Variants in CADM1 observed in about 807,000 individuals in gnomAD.
CADM1 encodes the protein cell adhesion molecule 1.
In CADM1, 15 loss-of-function variants were observed where a neutral mutation model predicts 53.1. The ratio of observed to expected loss-of-function variants is 0.28; its 90% CI spans 0.19 to 0.44. The LOEUF is 0.44. CADM1 is among the 20% of genes least tolerant of loss of function. The pLI, the probability that CADM1 is intolerant of heterozygous loss-of-function variation, is 1.00. For synonymous variants in CADM1, 281 were observed against 243.0 expected (o/e 1.16, Z -1.45); for missense variants, 434 against 611.3 (o/e 0.71, Z 3.06).
At chr11:115,379,142 A>C (rs926398698) in intron 1 of CADM1, among the ~76,000 whole-genome samples, 1 of 152,248 alleles carries the variant, frequency 6.6e-6, no homozygotes. Flanking sequence ...TAATTAAATT[A>C]AAGAATGGCT....
chr11:115,284,895 C>T (rs1943690584), intron 1 of CADM1, among the ~76,000 whole-genome samples: 1 of 152,164 alleles, frequency 6.6e-6, no homozygotes, highest in Non-Finnish European at 1.5e-5. Context: ...AATGAACTGA[C>T]CAAAGTCTTT....
chr11:115,290,241 A>G (rs1943851954), intron 1 of CADM1, among the ~76,000 whole-genome samples: 1 of 152,172 alleles, frequency 6.6e-6, no homozygotes, highest in Non-Finnish European at 1.5e-5. Context: ...GTGTTGAGAC[A>G]CTTCTGAGGG....
At chr11:115,357,319 A>T (rs184490560) in intron 1 of CADM1, among the ~76,000 whole-genome samples, 3 of 152,356 alleles carry the variant, frequency 2.0e-5, no homozygotes, top group African/African-American at 7.2e-5. Flanking sequence ...AAACAGAAGG[A>T]AAAAGATTTT....
chr11:115,232,738 T>C (rs186179448), intron 3 of CADM1, among the ~76,000 whole-genome samples: 1 of 152,276 alleles, frequency 6.6e-6, no homozygotes, highest in East Asian at 1.9e-4. Flanking sequence ...CAACCTTACC[T>C]CAGGACTGAG....
chr11:115,355,935 T>G (rs1945859510), intron 1 of CADM1, among the ~76,000 whole-genome samples: 1 of 152,130 alleles, frequency 6.6e-6, no homozygotes, highest in East Asian at 1.9e-4. Flanking sequence ...TGGGTTCAAG[T>G]GATTCTCCTG....
chr11:115,385,607 A>G (rs1946681186), intron 1 of CADM1, among the ~76,000 whole-genome samples: 1 of 150,992 alleles, frequency 6.6e-6, no homozygotes, highest in Admixed American at 6.6e-5. Context: ...TTCATAATTT[A>G]TAACAAGAAA....
chr11:115,409,684 G>T (rs969080709), intron 1 of CADM1, among the ~76,000 whole-genome samples: 1 of 151,712 alleles, frequency 6.6e-6, no homozygotes, highest in Non-Finnish European at 1.5e-5. Context: ...AGGAATCTGG[G>T]TTCCTTGACC....
At chr11:115,272,100 C>T (rs1353960590) in intron 1 of CADM1, among the ~76,000 whole-genome samples, 3 of 150,202 alleles carry the variant, frequency 2.0e-5, no homozygotes, top group Admixed American at 6.6e-5. Context: ...TAGGAACTTG[C>T]AAAGACCATT....
intron 1 of CADM1, among the ~76,000 whole-genome samples, chr11:115,451,045 T>C (rs314475): frequency 0.88 from 134,100 of 152,256 alleles, 59,405 homozygotes; most frequent in East Asian, 0.99. Flanking sequence ...GCTCATTCTG[T>C]GGTGACTTTT....
intron 5 of CADM1, among the ~76,000 whole-genome samples, chr11:115,220,166 C>G (rs1273102370): frequency 6.6e-6 from 1 of 152,048 alleles, no homozygotes; most frequent in Admixed American, 6.6e-5. Context: ...TGTTTTTCTT[C>G]TTTTTTCCTT....
intron 1 of CADM1, among the ~76,000 whole-genome samples, chr11:115,265,152 C>T (rs1402821441): frequency 1.3e-5 from 2 of 152,188 alleles, no homozygotes; most frequent in Admixed American, 1.3e-4. Context: ...TACACACTTA[C>T]ATCAGGAAAA....
chr11:115,407,873 TAAAAAAAAAAAAAAAAA>T (rs148209064), intron 1 of CADM1, among the ~76,000 whole-genome samples: 23 of 31,752 alleles, frequency 7.2e-4, no homozygotes, highest in African/African-American at 2.3e-3. Flanking sequence ...CCCTGTCATT[TAAAAAAAAAAAAAAAAA>T]AAAAAAAAAA....
intron 10 of CADM1, among the ~76,000 whole-genome samples, chr11:115,184,348 G>T (rs1034730002): frequency 6.6e-6 from 1 of 152,186 alleles, no homozygotes; most frequent in Non-Finnish European, 1.5e-5. Flanking sequence ...GGAACAAACT[G>T]AATGGCATGC....
intron 1 of CADM1, among the ~76,000 whole-genome samples, chr11:115,293,775 G>A (rs1943972821): frequency 6.6e-6 from 1 of 152,138 alleles, no homozygotes; most frequent in Admixed American, 6.5e-5. Flanking sequence ...ACTTCAGTTA[G>A]TAATCAACAA....
intron 1 of CADM1, among the ~76,000 whole-genome samples, chr11:115,439,578 C>T (rs1235137239): frequency 1.3e-5 from 2 of 152,312 alleles, no homozygotes; most frequent in South Asian, 2.1e-4. Context: ...AATTACTTAA[C>T]TAATGTTTTG....
At chr11:115,284,636 T>C (rs951151514) in intron 1 of CADM1, among the ~76,000 whole-genome samples, 1 of 152,320 alleles carries the variant, frequency 6.6e-6, no homozygotes, top group Non-Finnish European at 1.5e-5. Flanking sequence ...CCTCCTTTTC[T>C]ATTTTTTCTT....
chr11:115,357,474 A>C (rs1410795978), intron 1 of CADM1, among the ~76,000 whole-genome samples: 1 of 152,138 alleles, frequency 6.6e-6, no homozygotes, highest in Non-Finnish European at 1.5e-5. Flanking sequence ...ACAGGCCATA[A>C]GGAGATGCCA....
In CADM1 at chr11:115,494,971, CA is replaced by C. The variant is rs1949577852; in HGVS notation, c.124+9299del. On this transcript the variant is annotated intron_variant, in intron 1 of 11. Coordinates refer to ENST00000331581, the MANE Select transcript of CADM1 (RefSeq NM_001301043.2). ...GGAAAGGGAAATAAACAGCAACTAACAATTATGTGATTACTAACAAAACTAA... is the reference window on the plus strand; with the variant it reads ...GGAAAGGGAAATAAACAGCAACTAACATTATGTGATTACTAACAAAACTAA... Among the ~76,000 whole-genome samples the C allele has an allele frequency of 8.5e-5, 13 of 152,268 alleles. No homozygotes were observed. In the South Asian group the frequency reaches 2.7e-3, roughly 32 times the overall value.
chr11:115,316,997 A>C (rs1944684135), intron 1 of CADM1, among the ~76,000 whole-genome samples: 1 of 152,200 alleles, frequency 6.6e-6, no homozygotes, highest in Non-Finnish European at 1.5e-5. Flanking sequence ...TTTACAATGA[A>C]AAACAACATC....
Sources: gnomAD v4.1 joint callset for allele counts (sites outside exome capture counted in the v4.1 genomes callset) on GRCh38, gnomAD v4.1.1 for gene constraint, MANE v1.5 for transcripts, NCBI Gene and HGNC (gene_info 2026-07-23, HGNC 2026-07-21) for gene names.